Variants in PCDHGA7 observed in about 807,000 individuals in gnomAD.
The protein encoded by PCDHGA7 is protocadherin gamma subfamily A, 7, also known as protocadherin gamma-A7.
Under a neutral mutation model 58.3 loss-of-function variants are expected in PCDHGA7, and 44 were observed. The ratio of observed to expected loss-of-function variants is 0.75; its 90% CI spans 0.59 to 0.97. The LOEUF (loss-of-function observed/expected upper bound fraction) is 0.97. Among genes scored for constraint, PCDHGA7 ranks in the 50% least tolerant of loss-of-function variants. The probability of loss-of-function intolerance (pLI) is 0.00; values close to 1 mark genes in which losing one functional copy is unlikely to be tolerated. For missense variants in PCDHGA7, 1,266 were observed against 1,188.7 expected, an observed-to-expected ratio of 1.06 and a Z score of -0.96; for synonymous variants, 516 against 504.2, an observed-to-expected ratio of 1.02 and a Z score of -0.31.
At chr5:141,404,811 G>A (rs2094571358) in intron 1 of PCDHGA7, 1 of 1,606,238 alleles carries the variant, frequency 6.2e-7, no homozygotes, top group African/African-American at 1.4e-5. Flanking sequence ...TTCTCGGTGG[G>A]GCTGCACACA....
At chr5:141,418,305 G>T in intron 1 of PCDHGA7, 1 of 1,614,026 alleles carries the variant, frequency 6.2e-7, no homozygotes, top group South Asian at 1.1e-5. Context: ...GTCAGCCTGG[G>T]GATGGGAACA....
chr5:141,462,512 A>C (rs1169461013), intron 1 of PCDHGA7, among the ~76,000 whole-genome samples: 1 of 152,106 alleles, frequency 6.6e-6, no homozygotes, highest in Non-Finnish European at 1.5e-5. Flanking sequence ...AACTAGATCA[A>C]GTTAGTAAGA....
intron 1 of PCDHGA7, chr5:141,403,784 G>C: frequency 1.9e-6 from 3 of 1,613,906 alleles, no homozygotes; most frequent in East Asian, 2.2e-5. Context: ...CGGAAAAGTG[G>C]CATACAAATT....
At chr5:141,389,390 C>A (rs759786018) in intron 1 of PCDHGA7, 1 of 1,613,718 alleles carries the variant, frequency 6.2e-7, no homozygotes, top group Non-Finnish European at 8.5e-7. Context: ...TGTCATCCTA[C>A]GTGTCCATAA....
chr5:141,399,008 G>GC, intron 1 of PCDHGA7: 1 of 1,613,904 alleles, frequency 6.2e-7, no homozygotes, highest in Non-Finnish European at 8.5e-7. Flanking sequence ...AATTCAAAGA[G>GC]CGGAGAAATT....
intron 1 of PCDHGA7, among the ~76,000 whole-genome samples, chr5:141,492,920 G>A (rs2099745093): frequency 6.6e-6 from 1 of 152,198 alleles, no homozygotes; most frequent in African/African-American, 2.4e-5. Context: ...TGTGCCCAGC[G>A]ATCTAGGGTC....
chr5:141,392,810 A>G (rs772526220), intron 1 of PCDHGA7: 41 of 1,580,272 alleles, frequency 2.6e-5, no homozygotes, highest in Middle Eastern at 1.7e-4. Context: ...GCAGCAAAAC[A>G]ACAATGGCCG....
chr5:141,437,388 C>T (rs1434464979), intron 1 of PCDHGA7, among the ~76,000 whole-genome samples: 1 of 152,186 alleles, frequency 6.6e-6, no homozygotes, highest in Non-Finnish European at 1.5e-5. Context: ...AGACATTCAT[C>T]CACTGCTTTC....
intron 1 of PCDHGA7, chr5:141,408,159 C>T (rs1408291996): frequency 3.9e-5 from 59 of 1,516,228 alleles, no homozygotes; most frequent in Non-Finnish European, 5.2e-5. Context: ...AGTGCACTTT[C>T]TCCAACTGGA....
chr5:141,427,883 C>G (rs2097084423), intron 1 of PCDHGA7: 3 of 1,563,818 alleles, frequency 1.9e-6, no homozygotes, highest in Non-Finnish European at 1.7e-6. Flanking sequence ...TGCAGGCCCA[C>G]GACCAGGGCT....
intron 1 of PCDHGA7, chr5:141,409,208 G>A: frequency 6.2e-7 from 1 of 1,613,984 alleles, no homozygotes; most frequent in South Asian, 1.1e-5. Context: ...AGTAATCATA[G>A]AAATCCTTGA....
intron 1 of PCDHGA7, among the ~76,000 whole-genome samples, chr5:141,474,379 T>A (rs1451968368): frequency 6.6e-6 from 1 of 152,208 alleles, no homozygotes; most frequent in Non-Finnish European, 1.5e-5. Flanking sequence ...GAGGAGGGCA[T>A]TTCTGCATTT....
At chr5:141,420,073 G>A (rs2096463936) in intron 1 of PCDHGA7, 23 of 1,613,964 alleles carry the variant, frequency 1.4e-5, no homozygotes, top group Non-Finnish European at 1.9e-5. Context: ...CCGGACCTGT[G>A]GGTCCCCCCA....
Position 141,489,090 on chromosome 5 carries a change from C to CCAA in PCDHGA7, c.2425-5717_2425-5716insCAA, listed in dbSNP as rs2099682444. 1 of 328,824 alleles carries CCAA rather than the reference C, an allele frequency of 3.0e-6. No individual in the cohort carries two copies. Among genetic ancestry groups the CCAA allele is most frequent in the Admixed American group, 6.1e-5 (1 of 16,500 alleles). The allele number at this position is 328,824 out of a possible 1,614,324, so 20.4% of individuals were successfully genotyped here. ...CCTGCCCACCCCCGCCACTCGGTGA[C>CCAA]TAAGAACTGCTGCAAGCAGGCAAAC... On this transcript the variant is annotated intron_variant, in intron 1 of 3. Transcript: ENST00000518325. This position sits in a 1 kb window ranked among gnomAD's most constrained non-coding sequence, Gnocchi z 4.5.
At chr5:141,388,841 A>G in intron 1 of PCDHGA7, 1 of 1,614,022 alleles carries the variant, frequency 6.2e-7, no homozygotes. Context: ...TTTTGGAAGC[A>G]AGGGACGGTG....
At chr5:141,458,438 CCCA>C (rs1221646653) in intron 1 of PCDHGA7, among the ~76,000 whole-genome samples, 3 of 152,024 alleles carry the variant, frequency 2.0e-5, no homozygotes, top group African/African-American at 7.2e-5. Context: ...GAGGAGGTCC[CCCA>C]CATTAACAAT....
intron 1 of PCDHGA7, chr5:141,400,189 CT>C (rs770137840): frequency 5.6e-6 from 9 of 1,614,056 alleles, no homozygotes; most frequent in Non-Finnish European, 7.6e-6. Context: ...GCAGTTTTAC[CT>C]AGTGGTGGCC....
In PCDHGA7 at chr5:141,432,139, T is replaced by A. The variant is rs950514553; in HGVS notation, c.2424+46816T>A. ...TCCCTCAGGCCTCCTATTCCGCTTA[T>A]ATCCCAGAGAACAATCCCAGAGGAG... is the stretch of plus-strand genomic sequence containing the variant. On this transcript the variant is annotated intron_variant, in intron 1 of 3. Transcript: ENST00000518325. The surrounding 1 kb of genome is among the most constrained non-coding windows in gnomAD (Gnocchi z 6.0). The A allele has an allele frequency of 6.8e-6, 11 of 1,613,976 alleles. No individual in the cohort carries two copies. Among genetic ancestry groups the A allele is most frequent in the Non-Finnish European group, 9.3e-6 (11 of 1,180,032 alleles).
chr5:141,423,750 T>TGGG lies in PCDHGA7; in HGVS notation c.2424+38435_2424+38437dup, dbSNP rs144521096. 4.7e-3 allele frequency: 1,348 copies of TGGG among 288,070 alleles called. 1 individual carries two copies. The highest frequency in any genetic ancestry group is 5.4e-3 in the Non-Finnish European group (1,192 of 221,408). 17.8% of individuals were successfully genotyped at this position (288,070 alleles called of 1,614,324 possible). A position where few individuals can be genotyped will look rare whatever the true frequency, so the allele number is the denominator to read the frequency against. ...TTTTGAGCCTGTTATGAAAACTGTT[T>TGGG]GGGGGGGGGGTGGGGCGGCATATAT... is the stretch of plus-strand genomic sequence containing the variant. On this transcript the variant is annotated intron_variant, in intron 1 of 3. Coordinates refer to ENST00000518325, the MANE Select transcript of PCDHGA7 (RefSeq NM_018920.4).
Sources: gnomAD v4.1 joint callset for allele counts (sites outside exome capture counted in the v4.1 genomes callset) on GRCh38, gnomAD v4.1.1 for gene constraint, Gnocchi (gnomAD v3.1) non-coding constraint, MANE v1.5 for transcripts, NCBI Gene and HGNC (gene_info 2026-07-23, HGNC 2026-07-21) for gene names.